Variants in NAV3 observed in about 807,000 individuals in gnomAD.
NAV3 encodes the protein pore membrane and/or filament interacting like protein 1.
A neutral mutation model predicts 244.7 loss-of-function variants in NAV3; 87 were observed. The observed-to-expected ratio is 0.36, with a 90% confidence interval of 0.30 to 0.42. The LOEUF (loss-of-function observed/expected upper bound fraction) is 0.42, where lower values mean the gene tolerates loss of function less well. Ranked by LOEUF, NAV3 falls within the 20% of genes least tolerant of loss-of-function variation. The pLI is 1.00. For synonymous variants in NAV3, 1,126 were observed against 1,042.2 expected, an observed-to-expected ratio of 1.08 and a Z score of -1.55; for missense variants, 2,663 against 2,893.3, an observed-to-expected ratio of 0.92 and a Z score of 1.83.
intron 2 of NAV3, among the ~76,000 whole-genome samples, chr12:77,789,337 G>A (rs1194412224): frequency 1.3e-5 from 2 of 151,928 alleles, no homozygotes; most frequent in African/African-American, 4.8e-5. Flanking sequence ...TGACACTCCA[G>A]CTACTACTGA....
chr12:78,080,497 C>T (rs1953292028), intron 12 of NAV3, among the ~76,000 whole-genome samples: 1 of 152,184 alleles, frequency 6.6e-6, no homozygotes. Flanking sequence ...TCCAGAGATA[C>T]TTTTCCTACC....
chr12:77,662,558 A>G (rs565461971), intron 2 of NAV3, among the ~76,000 whole-genome samples: 1 of 152,244 alleles, frequency 6.6e-6, no homozygotes, highest in South Asian at 2.1e-4. Context: ...CTACTGGGAA[A>G]CAGATACCTG....
At chr12:77,730,047 T>C (rs913966282) in intron 2 of NAV3, among the ~76,000 whole-genome samples, 41 of 151,978 alleles carry the variant, frequency 2.7e-4, no homozygotes, top group Non-Finnish European at 5.3e-4. Flanking sequence ...ATTCAGGCTC[T>C]ACCCAATTAT....
At chr12:77,589,225 G>T (rs1869787401) in intron 2 of NAV3, among the ~76,000 whole-genome samples, 1 of 152,154 alleles carries the variant, frequency 6.6e-6, no homozygotes, top group South Asian at 2.1e-4. Flanking sequence ...TGGCTCTGTG[G>T]ATTTTGTTCA....
At chr12:77,863,491 TA>T (rs944046124) in intron 1 of NAV3, among the ~76,000 whole-genome samples, 15 of 151,766 alleles carry the variant, frequency 9.9e-5, no homozygotes, top group African/African-American at 3.6e-4. Context: ...ATAATATAAA[TA>T]AAAAAACAAA....
intron 2 of NAV3, among the ~76,000 whole-genome samples, chr12:77,583,604 G>A (rs1869466340): frequency 6.6e-6 from 1 of 152,226 alleles, no homozygotes; most frequent in African/African-American, 2.4e-5. Flanking sequence ...AGACATTTCC[G>A]AAGCACTTAC....
chr12:77,776,896 T>C (rs1870390758), intron 2 of NAV3, among the ~76,000 whole-genome samples: 1 of 152,202 alleles, frequency 6.6e-6, no homozygotes. Context: ...CATCTTTATC[T>C]ATCCAGCCCA....
At chr12:77,619,479 CAT>C (rs1330194370) in intron 2 of NAV3, among the ~76,000 whole-genome samples, 3 of 152,176 alleles carry the variant, frequency 2.0e-5, no homozygotes, top group Non-Finnish European at 4.4e-5. Context: ...GTAAATAAAA[CAT>C]ATGTGTTAAA....
At chr12:77,769,632 G>A (rs1266893881) in intron 2 of NAV3, among the ~76,000 whole-genome samples, 1 of 152,104 alleles carries the variant, frequency 6.6e-6, no homozygotes, top group Non-Finnish European at 1.5e-5. Context: ...GTAAACTTGA[G>A]TCATTAAAAT....
intron 1 of NAV3, among the ~76,000 whole-genome samples, chr12:77,867,672 G>A (rs1274768731): frequency 2.6e-5 from 4 of 152,040 alleles, no homozygotes; most frequent in East Asian, 1.9e-4. Flanking sequence ...CACCAGCCTC[G>A]GCCTCCCAAA....
chr12:77,620,944 TGTG>T (rs1442431599), intron 2 of NAV3, among the ~76,000 whole-genome samples: 2 of 152,180 alleles, frequency 1.3e-5, no homozygotes, highest in Non-Finnish European at 2.9e-5. Context: ...TCGGTGACAT[TGTG>T]GTAAAAATTT....
chr12:77,681,947 A>C (rs554544321), intron 2 of NAV3, among the ~76,000 whole-genome samples: 1 of 152,310 alleles, frequency 6.6e-6, no homozygotes, highest in South Asian at 2.1e-4. Flanking sequence ...TCGTCAAGCT[A>C]TTTACACATG....
chr12:77,997,034 G>A (rs1176152892), intron 6 of NAV3, among the ~76,000 whole-genome samples: 1 of 152,050 alleles, frequency 6.6e-6, no homozygotes, highest in Non-Finnish European at 1.5e-5. Context: ...GAGGTCAGGA[G>A]TTCAAGACCA....
intron 24 of NAV3, among the ~76,000 whole-genome samples, chr12:78,169,665 T>G (rs989686208): frequency 6.6e-6 from 1 of 151,720 alleles, no homozygotes; most frequent in Admixed American, 6.6e-5. Flanking sequence ...TTTTATGAAG[T>G]CTTTCAATGT....
chr12:77,854,984 G>A lies in NAV3; in HGVS notation c.243+23280G>A, dbSNP rs200371591. Among the ~76,000 whole-genome samples the A allele has an allele frequency of 5.3e-5, 8 of 152,146 alleles. No homozygotes were observed. In the East Asian group the frequency reaches 1.6e-3, roughly 30 times the overall value. On this transcript the variant is annotated intron_variant, in intron 1 of 39. Coordinates refer to ENST00000397909, the MANE Select transcript of NAV3 (RefSeq NM_001024383.2). ...CTACTAAAAATACAAAAAATTAGCT[G>A]GGCGTGGTGGCGGGCGCCTGTAGTC...
rs764070836 is a variant in NAV3, at chr12:78,190,126, A to G, written c.6198A>G (p.Ala2066=). The change falls in exon 34 of 40, where the codon GCA becomes GCG. Residue 2066 remains alanine, a synonymous_variant. Coordinates refer to ENST00000397909, the MANE Select transcript of NAV3 (RefSeq NM_001024383.2). The part of the protein sequence containing the change: ...GPSGTGKTYL[A]NKLAEYVITK... ...GTGGTACTGGAAAGACCTATTTGGC[A>G]AACAAACTTGCTGAATATGTAATAA... is the stretch of plus-strand genomic sequence containing the variant. 4.3e-6 allele frequency: 7 copies of G among 1,613,208 alleles called. No homozygotes were observed. In the Admixed American group the frequency reaches 1.2e-4, roughly 27 times the overall value.
chr12:77,868,419 A>T (rs1880414465), intron 1 of NAV3, among the ~76,000 whole-genome samples: 1 of 152,148 alleles, frequency 6.6e-6, no homozygotes, highest in Non-Finnish European at 1.5e-5. Flanking sequence ...TAAGAAAGAA[A>T]AATAGATGAT....
chr12:77,574,960 A>T (rs1324256114), intron 2 of NAV3, among the ~76,000 whole-genome samples: 1 of 151,440 alleles, frequency 6.6e-6, no homozygotes, highest in Non-Finnish European at 1.5e-5. Flanking sequence ...GTATCTTCCT[A>T]CAACAATAAA....
At chr12:77,745,411 T>C (rs1360339459) in intron 2 of NAV3, among the ~76,000 whole-genome samples, 2 of 152,008 alleles carry the variant, frequency 1.3e-5, no homozygotes, top group African/African-American at 4.8e-5. Flanking sequence ...ACAGATTGCC[T>C]AGGGGAAGAC....
Sources: gnomAD v4.1 joint callset for allele counts (sites outside exome capture counted in the v4.1 genomes callset) on GRCh38, gnomAD v4.1.1 for gene constraint, MANE v1.5 for transcripts, NCBI Gene and HGNC (gene_info 2026-07-23, HGNC 2026-07-21) for gene names.